The following MTBP variants were observed in gnomAD, a reference collection of about 807,000 sequenced individuals.
MTBP encodes mdm2-binding protein.
Under a neutral mutation model 117.0 loss-of-function variants are expected in MTBP, and 101 were observed. The observed-to-expected ratio is 0.86, with a 90% CI of 0.73 to 1.02. MTBP has a LOEUF of 1.02. MTBP is among the 50% of genes least tolerant of loss of function. The pLI, the probability that MTBP is intolerant of heterozygous loss-of-function variation, is 0.00. For missense variants in MTBP, 970 were observed against 1,030.9 expected (o/e 0.94, Z 0.81); for synonymous variants, 350 against 351.5 (o/e 1.00, Z 0.05).
At chr8:120,489,859 G>A (rs1814306206) in intron 12 of MTBP, among the ~76,000 whole-genome samples, 1 of 152,166 alleles carries the variant, frequency 6.6e-6, no homozygotes, top group Non-Finnish European at 1.5e-5. Context: ...GGGGCCATGT[G>A]ACTCATTGGG....
chr8:120,492,598 A>G (rs932698433), intron 13 of MTBP, among the ~76,000 whole-genome samples: 9 of 152,192 alleles, frequency 5.9e-5, no homozygotes, highest in African/African-American at 1.9e-4. Flanking sequence ...TTATCAACAA[A>G]ACATGGGGTA....
rs538303995 is a variant in MTBP at position 120,496,056 on chromosome 8, T to C, written c.1448-1337T>C. 5.3e-5 allele frequency among the ~76,000 whole-genome samples: 8 copies of C among 152,284 alleles called. No homozygotes were observed. In the South Asian group the frequency reaches 1.7e-3, roughly 32 times the overall value. ...GAAAGCTGTACTAAAGGATATGGCT[T>C]TTTAGATCTATGGCCAAGTTGGCCT... On this transcript the variant is annotated intron_variant, in intron 13 of 21. Coordinates refer to ENST00000305949, the MANE Select transcript of MTBP (RefSeq NM_022045.5).
At chr8:120,484,168 A>G (rs1293573362) in intron 11 of MTBP, among the ~76,000 whole-genome samples, 1 of 152,136 alleles carries the variant, frequency 6.6e-6, no homozygotes, top group Non-Finnish European at 1.5e-5. Context: ...TTGAAGATAT[A>G]TATATAAGTT....
chr8:120,517,764 A>T, intron 18 of MTBP, 87 bp from the exon 19 acceptor site: 3 of 1,337,900 alleles, frequency 2.2e-6, no homozygotes, highest in Non-Finnish European at 3.1e-6. Flanking sequence ...CACTTAATGG[A>T]TATAGTTGTA....
chr8:120,451,177 A>G lies in MTBP; in HGVS notation c.280A>G (p.Ser94Gly). 6.2e-7 allele frequency: 1 copy of G among 1,602,424 alleles called. No individual in the cohort carries two copies. The highest frequency in any genetic ancestry group is 8.5e-7 in the Non-Finnish European group (1 of 1,172,774). The change falls in exon 4 of 22, where the codon AGT becomes GGT. Residue 94 changes from serine (S) to glycine (G), a missense_variant. By Grantham distance (56) the Ser-to-Gly change is moderately conservative. Coordinates refer to ENST00000305949, the MANE Select transcript of MTBP (RefSeq NM_022045.5). ...CAATCTTTTGATTTGTTAGTTTTGTAGTTCTGATTGGCAAGAGATACATTT... is the reference window on the plus strand; with the variant it reads ...CAATCTTTTGATTTGTTAGTTTTGTGGTTCTGATTGGCAAGAGATACATTT... ...QAIYGFYQFCSSDWQEIHFDT... is the reference protein window; with the variant it reads ...QAIYGFYQFCGSDWQEIHFDT...
At chr8:120,456,926 A>C (rs546557913) in intron 7 of MTBP, among the ~76,000 whole-genome samples, 15 of 152,276 alleles carry the variant, frequency 9.9e-5, no homozygotes, top group African/African-American at 3.6e-4. Context: ...ATTAACTTTA[A>C]TTTAATCACA....
chr8:120,511,377 C>T (rs1202686380), intron 17 of MTBP, among the ~76,000 whole-genome samples: 3 of 152,226 alleles, frequency 2.0e-5, no homozygotes, highest in African/African-American at 7.2e-5. Context: ...CTCACTGCAA[C>T]CTCCGTTTCC....
intron 2 of MTBP, among the ~76,000 whole-genome samples, chr8:120,446,783 A>G (rs1191851970): frequency 2.0e-5 from 3 of 151,050 alleles, no homozygotes; most frequent in African/African-American, 5.0e-5. Flanking sequence ...TTAGTTCTGT[A>G]TAACTAAGGG....
intron 13 of MTBP, among the ~76,000 whole-genome samples, chr8:120,496,707 CAAAAAAAAA>C (rs34444618): frequency 1.5e-5 from 2 of 130,728 alleles, no homozygotes; most frequent in Non-Finnish European, 3.2e-5. Flanking sequence ...ATGTTCCATA[CAAAAAAAAA>C]AAAAGAAAAA....
chr8:120,509,808 C>T (rs377447736), intron 16 of MTBP, 126 bp from the exon 17 acceptor site: 6 of 627,604 alleles, frequency 9.6e-6, no homozygotes, highest in East Asian at 5.6e-5. Flanking sequence ...TGTGCCTTAA[C>T]CTTTGTCCCA....
At chr8:120,506,959 C>A in intron 16 of MTBP, 98 bp downstream of exon 16, 3 of 1,044,610 alleles carry the variant, frequency 2.9e-6, no homozygotes, top group East Asian at 2.8e-5. Flanking sequence ...CTATGCTACT[C>A]AGGGAAAATT....
rs1813449756 is a variant in MTBP at position 120,455,536 on chromosome 8, T to A, written c.586T>A (p.Trp196Arg). ...TVGALKHLRE[W>R]YSAKITIAGN... ...AGGAGCATTAAAACATTTGAGAGAATGGTATTCAGCAAAGATCACTATAGC... is the reference window on the plus strand; with the variant it reads ...AGGAGCATTAAAACATTTGAGAGAAAGGTATTCAGCAAAGATCACTATAGC... Residue 196 changes from tryptophan to arginine, a missense_variant, in exon 6 of 22, where the codon TGG (tryptophan) becomes AGG (arginine). Trp to Arg is a moderately radical substitution (Grantham distance 101, BLOSUM62 -3). Transcript: ENST00000305949. 1 of 1,609,502 alleles carries A rather than the reference T, an allele frequency of 6.2e-7. No individual in the cohort carries two copies. The highest frequency in any genetic ancestry group is 8.5e-7 in the Non-Finnish European group (1 of 1,177,944).
chr8:120,472,686 T>G (rs1813845632), intron 11 of MTBP: 1 of 152,154 alleles, frequency 6.6e-6, no homozygotes, highest in Non-Finnish European at 1.5e-5. Flanking sequence ...AGGACAAACA[T>G]ATAGAACTTG....
At chr8:120,445,736 C>A in intron 1 of MTBP, 148 bp downstream of exon 1, 1 of 537,026 alleles carries the variant, frequency 1.9e-6, no homozygotes, top group Non-Finnish European at 3.2e-6. Flanking sequence ...ATGAGGGCTG[C>A]AAAAATAGCA....
Position 120,523,318 on chromosome 8 carries a change from A to ACT in MTBP, c.2697_2698insCT (p.Lys900LeufsTer9). 6.4e-7 allele frequency: 1 copy of ACT among 1,557,096 alleles called. No homozygotes were observed. The highest frequency in any genetic ancestry group is 8.7e-7 in the Non-Finnish European group (1 of 1,144,534). ...CCTAGGTGATTGACTGGGTATTAGAAAAGACAAGCAAGAAATGATACATAA... is the reference window on the plus strand; with the variant it reads ...CCTAGGTGATTGACTGGGTATTAGAACTAAGACAAGCAAGAAATGATACATAA... On this transcript the variant is annotated frameshift_variant, in exon 22 of 22. Transcript: ENST00000305949. LOFTEE classifies it high-confidence loss of function.
chr8:120,465,633 A>G (rs1208368805), intron 10 of MTBP, among the ~76,000 whole-genome samples: 6 of 145,870 alleles, frequency 4.1e-5, no homozygotes, highest in East Asian at 2.0e-4. Context: ...TTACAGAGAA[A>G]TTTGTAGAAA....
At position 120,487,171 on chromosome 8, in the gene MTBP, C is replaced by T. The variant is rs144210656; in HGVS notation, c.1166-988C>T. On this transcript the variant is annotated intron_variant, in intron 11 of 21. Coordinates refer to ENST00000305949, the MANE Select transcript of MTBP (RefSeq NM_022045.5). ...CCTCTAATCTTCTGACAGTCATTTG[C>T]CTGAATAGAATAAGGGATCAGAAGG... 4.1e-3 allele frequency among the ~76,000 whole-genome samples: 626 copies of T among 152,262 alleles called. 5 individuals carry two copies. The highest frequency in any genetic ancestry group is 0.014 in the African/African-American group (602 of 41,544).
At chr8:120,522,849 C>T in intron 21 of MTBP, 130 bp downstream of exon 21, 1 of 634,016 alleles carries the variant, frequency 1.6e-6, no homozygotes, top group Non-Finnish European at 2.6e-6. Flanking sequence ...TATGAAAACT[C>T]TTTAAGAAAC....
rs371437871 is a variant in MTBP, at chr8:120,522,707, C to T, written c.2664C>T (p.Asn888=). 2 of 1,602,762 alleles carry T rather than the reference C, an allele frequency of 1.2e-6. No homozygotes were observed. The highest frequency in any genetic ancestry group is 1.7e-5 in the Admixed American group (1 of 59,010). The change falls in exon 21 of 22, where the codon AAC becomes AAT. Residue 888 remains asparagine, a synonymous_variant. Transcript: ENST00000305949. ...LFEEMKKTAN[N]NAVQVIDWVL... ...AAGAAATGAAGAAAACAGCAAACAA[C>T]AATGCTGTACAGGTAAAGAAATTAT... is the stretch of plus-strand genomic sequence containing the variant.
Sources: gnomAD v4.1 joint callset for allele counts (sites outside exome capture counted in the v4.1 genomes callset) on GRCh38, gnomAD v4.1.1 for gene constraint, MANE v1.5 for transcripts, NCBI Gene and HGNC (gene_info 2026-07-23, HGNC 2026-07-21) for gene names.